NUDT9: variants seen among roughly 807,000 people sequenced by gnomAD.
NUDT9 encodes ADP-ribose pyrophosphatase.
A neutral mutation model predicts 41.0 loss-of-function variants in NUDT9; 31 were observed. The ratio of observed to expected loss-of-function variants is 0.76; its 90% CI spans 0.57 to 1.02. The LOEUF (loss-of-function observed/expected upper bound fraction) is 1.02, where lower values mean the gene tolerates loss of function less well. Ranked by LOEUF, NUDT9 falls within the 50% of genes least tolerant of loss-of-function variation. The pLI is 0.00. For synonymous variants in NUDT9, 146 were observed against 147.6 expected (o/e 0.99, Z 0.08); for missense variants, 380 against 431.4 (o/e 0.88, Z 1.06).
chr4:87,435,009 C>A lies in NUDT9; in HGVS notation c.136C>A (p.Leu46Ile). The A allele has an allele frequency of 6.2e-7, 1 of 1,613,464 alleles. No homozygotes were observed. Among genetic ancestry groups the A allele is most frequent in the South Asian group, 1.1e-5 (1 of 91,026 alleles). Reference protein sequence around the residue: ...RNSFSSSWFHLNTNVMSGSNG... With the variant: ...RNSFSSSWFHINTNVMSGSNG... ...CTCGTTTTCATCTTCTTGGTTTCATCTTAATACCAACGTCATGTCTGGTTC... is the reference window on the plus strand; with the variant it reads ...CTCGTTTTCATCTTCTTGGTTTCATATTAATACCAACGTCATGTCTGGTTC... Residue 46 changes from leucine to isoleucine, a missense_variant, in exon 2 of 8, where the codon CTT becomes ATT. Transcript: ENST00000302174.
chr4:87,427,840 T>C (rs1459489228), intron 1 of NUDT9, among the ~76,000 whole-genome samples: 2 of 152,228 alleles, frequency 1.3e-5, no homozygotes, highest in Admixed American at 1.3e-4. Flanking sequence ...TAGGGTTCCA[T>C]ATGTTAAAAT....
At chr4:87,441,616 G>T (rs948984896) in intron 3 of NUDT9, among the ~76,000 whole-genome samples, 5 of 152,096 alleles carry the variant, frequency 3.3e-5, no homozygotes, top group African/African-American at 1.2e-4. Context: ...CCTCTTTCTG[G>T]ATCAAGTTTA....
At chr4:87,431,143 AT>A (rs1408834941) in intron 1 of NUDT9, among the ~76,000 whole-genome samples, 1 of 152,190 alleles carries the variant, frequency 6.6e-6, no homozygotes, top group Non-Finnish European at 1.5e-5. Context: ...GTCAAACTTC[AT>A]ACTACTTTTG....
chr4:87,444,994 G>A (rs1722382553), intron 4 of NUDT9, among the ~76,000 whole-genome samples: 1 of 152,132 alleles, frequency 6.6e-6, no homozygotes, highest in African/African-American at 2.4e-5. Context: ...CAGCAGAAAT[G>A]GAACAGAGAA....
chr4:87,438,138 G>GAAAAA, intron 2 of NUDT9, 139 bp from the exon 3 acceptor site: 6 of 324,844 alleles, frequency 1.8e-5, no homozygotes, highest in South Asian at 1.3e-4. Context: ...ATGGATTTGT[G>GAAAAA]AAAAAAAAAA....
chr4:87,427,559 C>T (rs34208894), intron 1 of NUDT9, among the ~76,000 whole-genome samples: 14,689 of 152,166 alleles, frequency 0.097, 1,029 homozygotes, highest in East Asian at 0.29. Context: ...AATTTTTGCA[C>T]AATTAAATTT....
rs562224832 is a variant in NUDT9 at position 87,457,667 on chromosome 4, G to T, written c.875-176G>T. 3.9e-5 allele frequency among the ~76,000 whole-genome samples: 6 copies of T among 151,946 alleles called. No individual in the cohort carries two copies. In the East Asian group the frequency reaches 5.8e-4, roughly 15 times the overall value. Reference sequence around the variant, plus strand: ...AATTTGGACATTTTGGAATACTCTAGTTTTTTTTCTTTTATTCATTCTGCT... The same window carrying T: ...AATTTGGACATTTTGGAATACTCTATTTTTTTTTCTTTTATTCATTCTGCT... On this transcript the variant is annotated intron_variant, in intron 7 of 7. Coordinates refer to ENST00000302174, the MANE Select transcript of NUDT9 (RefSeq NM_024047.5).
chr4:87,442,474 A>G (rs922071207), intron 4 of NUDT9, among the ~76,000 whole-genome samples: 3 of 152,236 alleles, frequency 2.0e-5, no homozygotes, highest in Non-Finnish European at 4.4e-5. Flanking sequence ...GTTTATAAAC[A>G]CTGCATACTT....
intron 1 of NUDT9, 29 bp from the exon 2 acceptor site, chr4:87,434,952 T>C (rs1721853527): frequency 3.8e-6 from 6 of 1,582,444 alleles, no homozygotes; most frequent in Middle Eastern, 3.4e-4. Context: ...TTGGTATTTA[T>C]GTAAAATGTT....
chr4:87,454,323 C>T, intron 6 of NUDT9, 48 bp from the exon 7 acceptor site: 8 of 1,002,526 alleles, frequency 8.0e-6, no homozygotes, highest in Non-Finnish European at 1.3e-5. Flanking sequence ...CTCTGCTGTA[C>T]TCACTACACC....
intron 1 of NUDT9, 129 bp from the exon 2 acceptor site, chr4:87,434,852 C>T (rs943301073): frequency 2.8e-6 from 2 of 723,300 alleles, no homozygotes; most frequent in Non-Finnish European, 4.5e-6. Context: ...CCCCTAACCT[C>T]AGGTGATCCA....
chr4:87,441,799 A>G (rs746228835), intron 3 of NUDT9, 30 bp from the exon 4 acceptor site: 30 of 1,571,208 alleles, frequency 1.9e-5, no homozygotes, highest in Non-Finnish European at 1.1e-5. Context: ...AACACATTCA[A>G]TTGATTTTAT....
intron 7 of NUDT9, among the ~76,000 whole-genome samples, chr4:87,455,684 T>G (rs1332137091): frequency 1.3e-5 from 2 of 149,914 alleles, no homozygotes; most frequent in Non-Finnish European, 3.0e-5. Context: ...AACCCCGAGA[T>G]GGAGTCTTGC....
intron 5 of NUDT9, among the ~76,000 whole-genome samples, chr4:87,450,273 A>G (rs1047803413): frequency 6.6e-6 from 1 of 152,140 alleles, no homozygotes; most frequent in Admixed American, 6.5e-5. Flanking sequence ...ATAAAAACAT[A>G]CAGTTGTCTG....
intron 7 of NUDT9, among the ~76,000 whole-genome samples, chr4:87,456,006 A>C (rs1360194820): frequency 6.6e-6 from 1 of 152,116 alleles, no homozygotes; most frequent in African/African-American, 2.4e-5. Context: ...TTGTAAGGGA[A>C]CTAAGGCAAA....
Position 87,422,681 on chromosome 4 carries a change from G to GA in NUDT9, c.-224dup. ...GGCTTCGGCGTCACGTGCTGGTCTG[G>GA]ATTTTTCTCGATGCACTGGGGAAAG... is the stretch of plus-strand genomic sequence containing the variant. On this transcript the variant is annotated 5_prime_UTR_variant, in exon 1 of 8. Transcript: ENST00000302174. 1 of 409,720 alleles carries GA rather than the reference G, an allele frequency of 2.4e-6. No homozygotes were observed. Among genetic ancestry groups the GA allele is most frequent in the Non-Finnish European group, 4.3e-6 (1 of 231,368 alleles). 25.4% of individuals were successfully genotyped at this position (409,720 alleles called of 1,614,324 possible).
At chr4:87,436,027 T>A (rs1480698435) in intron 2 of NUDT9, among the ~76,000 whole-genome samples, 4 of 152,074 alleles carry the variant, frequency 2.6e-5, no homozygotes, top group African/African-American at 9.7e-5. Context: ...GCTCTCTCTC[T>A]CTGTCACCCA....
intron 2 of NUDT9, among the ~76,000 whole-genome samples, chr4:87,435,755 CATTG>C (rs1370798517): frequency 6.6e-6 from 1 of 152,170 alleles, no homozygotes; most frequent in Non-Finnish European, 1.5e-5. Flanking sequence ...AGAAGTGCCG[CATTG>C]ATTAACATTT....
At chr4:87,449,276 T>A (rs1306974353) in intron 5 of NUDT9, 23 bp downstream of exon 5, 1 of 1,277,338 alleles carries the variant, frequency 7.8e-7, no homozygotes, top group Admixed American at 1.7e-5. Flanking sequence ...ATTAAATTAG[T>A]GTTTAAGTTC....
Sources: gnomAD v4.1 joint callset for allele counts (sites outside exome capture counted in the v4.1 genomes callset) on GRCh38, gnomAD v4.1.1 for gene constraint, MANE v1.5 for transcripts, NCBI Gene and HGNC (gene_info 2026-07-23, HGNC 2026-07-21) for gene names.